Variants in CFAP61 observed in about 807,000 individuals in gnomAD.
CFAP61 encodes cilia- and flagella-associated protein 61.
CFAP61 carries 107 observed loss-of-function variants against 135.6 expected under a neutral mutation model. The ratio of observed to expected loss-of-function variants is 0.79; its 90% CI spans 0.67 to 0.93. The LOEUF (loss-of-function observed/expected upper bound fraction) is 0.93, where lower values mean the gene tolerates loss of function less well. Among genes scored for constraint, CFAP61 ranks in the 40% least tolerant of loss-of-function variants. The pLI, the probability that CFAP61 is intolerant of heterozygous loss-of-function variation, is 0.00. For synonymous variants in CFAP61, 575 were observed against 578.5 expected (o/e 0.99, Z 0.09); for missense variants, 1,507 against 1,556.2 (o/e 0.97, Z 0.53).
At chr20:20,150,685 C>T (rs1425233124) in intron 9 of CFAP61, among the ~76,000 whole-genome samples, 1 of 152,180 alleles carries the variant, frequency 6.6e-6, no homozygotes, top group Non-Finnish European at 1.5e-5. Context: ...AGAGCAGGTG[C>T]TGGTATTCAT....
chr20:20,262,967 T>A lies in CFAP61; in HGVS notation c.2340T>A (p.Pro780=). ...CTGQQYQVPC[P]TEADISQHLT... Reference sequence around the variant, plus strand: ...CTAACATGCTTCAGGTCCCATGCCCTACAGAGGCTGATATTAGTCAACACC... The same window carrying A: ...CTAACATGCTTCAGGTCCCATGCCCAACAGAGGCTGATATTAGTCAACACC... Residue 780 remains proline (P), a synonymous_variant, in exon 21 of 27, where the codon CCT becomes CCA. Coordinates refer to ENST00000245957, the MANE Select transcript of CFAP61 (RefSeq NM_015585.4). 6.2e-7 allele frequency: 1 copy of A among 1,612,968 alleles called. No homozygotes were observed. Among genetic ancestry groups the A allele is most frequent in the Non-Finnish European group, 8.5e-7 (1 of 1,179,330 alleles).
At chr20:20,183,560 C>T (rs144516702) in intron 13 of CFAP61, among the ~76,000 whole-genome samples, 89 of 152,240 alleles carry the variant, frequency 5.8e-4, no homozygotes, top group Middle Eastern at 3.4e-3. Flanking sequence ...AGTAGGAATA[C>T]GCTGTGAGCC....
intron 2 of CFAP61, among the ~76,000 whole-genome samples, chr20:20,061,566 A>G (rs1404873882): frequency 6.6e-6 from 1 of 152,250 alleles, no homozygotes; most frequent in African/African-American, 2.4e-5. Flanking sequence ...AAAGCTCCCT[A>G]CAGATAAAGA....
At chr20:20,354,715 A>C (rs2058978077) in intron 26 of CFAP61, among the ~76,000 whole-genome samples, 1 of 150,886 alleles carries the variant, frequency 6.6e-6, no homozygotes, top group Non-Finnish European at 1.5e-5. Flanking sequence ...ACACTGTGTG[A>C]GGGGAGGTGG....
Position 20,171,859 on chromosome 20 carries a change from C to T in CFAP61, c.1385+2399C>T, listed in dbSNP as rs79458581. On this transcript the variant is annotated intron_variant, in intron 13 of 26. Coordinates refer to ENST00000245957, the MANE Select transcript of CFAP61 (RefSeq NM_015585.4). The stretch of plus-strand genomic sequence containing the variant: ...GTGGCATGCAAGAGTTTCAGACCCA[C>T]GGCCAGAGTGGACTTTTCTTCCTTG... The T allele has an allele frequency of 8.7e-4, 585 of 670,204 alleles. 4 individuals carry two copies. The African/African-American group carries it at 9.1e-3, about 10-fold the overall frequency. 41.5% of individuals were successfully genotyped at this position (670,204 alleles called of 1,614,324 possible).
At chr20:20,125,893 C>T (rs1271619003) in intron 8 of CFAP61, among the ~76,000 whole-genome samples, 1 of 151,690 alleles carries the variant, frequency 6.6e-6, no homozygotes, top group Admixed American at 6.5e-5. Context: ...TTTGGGACCT[C>T]CAGTGTTAAG....
At chr20:20,223,938 C>G (rs1601490258) in intron 17 of CFAP61, among the ~76,000 whole-genome samples, 1 of 152,072 alleles carries the variant, frequency 6.6e-6, no homozygotes, top group East Asian at 1.9e-4. Flanking sequence ...GGAAATGAAC[C>G]AACTAAAATA....
chr20:20,284,717 A>G (rs897410194), intron 22 of CFAP61, among the ~76,000 whole-genome samples: 1 of 152,258 alleles, frequency 6.6e-6, no homozygotes, highest in African/African-American at 2.4e-5. Flanking sequence ...CCTTGCAGCT[A>G]TGCAGTTCCT....
At chr20:20,073,050 G>T (rs2045831187) in intron 3 of CFAP61, among the ~76,000 whole-genome samples, 1 of 152,124 alleles carries the variant, frequency 6.6e-6, no homozygotes, top group African/African-American at 2.4e-5. Context: ...AGGGATATTT[G>T]CAGCTGAAGT....
In CFAP61 at chr20:20,224,810, T is replaced by A. The variant is rs554297345; in HGVS notation, c.1933-3439T>A. Among the ~76,000 whole-genome samples the A allele has an allele frequency of 3.3e-5, 5 of 152,342 alleles. No individual in the cohort carries two copies. In the South Asian group the frequency reaches 1.0e-3, roughly 32 times the overall value. On this transcript the variant is annotated intron_variant, in intron 17 of 26. Coordinates refer to ENST00000245957, the MANE Select transcript of CFAP61 (RefSeq NM_015585.4). ...TTGGATTTCCCATCCATATTATTCT[T>A]GGTATGGTAGGTAGGTAAATAGCTT...
At chr20:20,330,434 C>T (rs1268605870) in intron 25 of CFAP61, among the ~76,000 whole-genome samples, 1 of 152,114 alleles carries the variant, frequency 6.6e-6, no homozygotes, top group Non-Finnish European at 1.5e-5. Flanking sequence ...CTCCCAGGCT[C>T]CAGTGATCCT....
intron 22 of CFAP61, among the ~76,000 whole-genome samples, chr20:20,288,246 G>C (rs932041687): frequency 2.6e-5 from 4 of 152,172 alleles, no homozygotes; most frequent in African/African-American, 9.7e-5. Context: ...GGAAGAGGAT[G>C]GAGGCTGCGC....
chr20:20,342,719 C>T (rs1256675949), intron 26 of CFAP61, among the ~76,000 whole-genome samples: 1 of 152,192 alleles, frequency 6.6e-6, no homozygotes, highest in African/African-American at 2.4e-5. Flanking sequence ...TGCTAGGGAG[C>T]GCGCACCCTG....
rs1600431301 is a variant in CFAP61 at position 20,071,299 on chromosome 20, TG to T, written c.294+296del. On this transcript the variant is annotated intron_variant, in intron 3 of 26. Coordinates refer to ENST00000245957, the MANE Select transcript of CFAP61 (RefSeq NM_015585.4). ...AAACGTGTGCTTCCAGGTCTCACGT[TG>T]TTCTCCAGGCGTCAGTGTCCAAGGT... is the stretch of plus-strand genomic sequence containing the variant. Among the ~76,000 whole-genome samples the T allele has an allele frequency of 5.3e-5, 8 of 152,254 alleles. No homozygotes were observed. In the South Asian group the frequency reaches 1.7e-3, roughly 32 times the overall value.
chr20:20,157,415 G>A (rs1163247066), intron 9 of CFAP61, among the ~76,000 whole-genome samples: 2 of 152,186 alleles, frequency 1.3e-5, no homozygotes, highest in Admixed American at 6.5e-5. Flanking sequence ...TGTAATATAG[G>A]TGCTAAGGTC....
chr20:20,233,621 CA>C (rs1275701674), intron 18 of CFAP61, among the ~76,000 whole-genome samples: 1 of 152,200 alleles, frequency 6.6e-6, no homozygotes, highest in Admixed American at 6.5e-5. Flanking sequence ...TCAGTCTCCC[CA>C]GGCAGCAAGA....
chr20:20,135,306 A>G (rs1600866007), intron 8 of CFAP61, among the ~76,000 whole-genome samples: 2 of 152,304 alleles, frequency 1.3e-5, no homozygotes, highest in East Asian at 3.9e-4. Flanking sequence ...GAATTGTGAG[A>G]GAATAAATTC....
intron 25 of CFAP61, among the ~76,000 whole-genome samples, chr20:20,331,188 TCTC>T (rs2057977196): frequency 6.6e-6 from 1 of 152,212 alleles, no homozygotes; most frequent in Non-Finnish European, 1.5e-5. Flanking sequence ...AATTGTCCCT[TCTC>T]CTCCGTTTAT....
At position 20,283,295 on chromosome 20, in the gene CFAP61, G is replaced by T. The variant is rs141894027; in HGVS notation, c.2797-5314G>T. Among the ~76,000 whole-genome samples, 490 of 152,186 alleles carry T rather than the reference G, an allele frequency of 3.2e-3. 2 individuals are homozygous for T. The highest frequency in any genetic ancestry group is 0.017 in the Middle Eastern group (5 of 294). ...ATTGTGCCTTTTATCATTATGAAAT[G>T]TTCCTCTTTATCTCTGATATTTAAT... On this transcript the variant is annotated intron_variant, in intron 22 of 26. Transcript: ENST00000245957.
Sources: gnomAD v4.1 joint callset for allele counts (sites outside exome capture counted in the v4.1 genomes callset) on GRCh38, gnomAD v4.1.1 for gene constraint, MANE v1.5 for transcripts, NCBI Gene and HGNC (gene_info 2026-07-23, HGNC 2026-07-21) for gene names.